The following AMZ2 variants were observed in gnomAD, a reference collection of about 807,000 sequenced individuals.
AMZ2 encodes archaelysin family metallopeptidase 2.
In AMZ2, 26 loss-of-function variants were observed where a neutral mutation model predicts 36.7. The observed-to-expected ratio is 0.71, with a 90% CI of 0.52 to 0.98. The LOEUF (loss-of-function observed/expected upper bound fraction) is 0.98, where lower values mean the gene tolerates loss of function less well. Ranked by LOEUF, AMZ2 falls within the 50% of genes least tolerant of loss-of-function variation. AMZ2 has a pLI of 0.00. For missense variants in AMZ2, 394 were observed against 430.5 expected (o/e 0.92, Z 0.75); for synonymous variants, 144 against 149.1 (o/e 0.97, Z 0.25).
chr17:68,219,030 T>C (rs1452970359), intron 1 of AMZ2, among the ~76,000 whole-genome samples: 2 of 152,188 alleles, frequency 1.3e-5, no homozygotes, highest in Non-Finnish European at 2.9e-5. Flanking sequence ...TCACCCAGGC[T>C]GGAGTGCAGT....
intron 1 of AMZ2, chr17:68,249,861 G>A: frequency 6.6e-6 from 2 of 304,894 alleles, no homozygotes; most frequent in South Asian, 6.7e-5. Flanking sequence ...TGCCTGAGCT[G>A]TTCTCAAACT....
At chr17:68,250,527 G>T in intron 2 of AMZ2, 57 bp downstream of exon 2, 1 of 1,576,122 alleles carries the variant, frequency 6.3e-7, no homozygotes, top group African/African-American at 1.3e-5. Flanking sequence ...CTCTTGTCAG[G>T]AATAGTCCAG....
At chr17:68,209,630 A>ATTTTTTTTTTTTTTTTT (rs1339157573) in intron 1 of AMZ2, among the ~76,000 whole-genome samples, 2 of 98,460 alleles carry the variant, frequency 2.0e-5, no homozygotes, top group African/African-American at 9.5e-5. Context: ...ATATATATAT[A>ATTTTTTTTTTTTTTTTT]TATTTTTTTT....
At chr17:68,224,110 T>C (rs2073446620) in intron 1 of AMZ2, among the ~76,000 whole-genome samples, 1 of 152,016 alleles carries the variant, frequency 6.6e-6, no homozygotes, top group South Asian at 2.1e-4. Context: ...AGGCTGGTAA[T>C]TTCTCTATTT....
intron 1 of AMZ2, among the ~76,000 whole-genome samples, chr17:68,216,300 A>G (rs2073191959): frequency 6.6e-6 from 1 of 151,728 alleles, no homozygotes; most frequent in Non-Finnish European, 1.5e-5. Flanking sequence ...CGCCCAGCTG[A>G]TTTTTTTATT....
intron 1 of AMZ2, among the ~76,000 whole-genome samples, chr17:68,231,955 A>T (rs1766125400): frequency 6.6e-6 from 1 of 151,840 alleles, no homozygotes; most frequent in Non-Finnish European, 1.5e-5. Flanking sequence ...TGAAATTCTG[A>T]TGTGACTGAG....
intron 1 of AMZ2, among the ~76,000 whole-genome samples, chr17:68,221,136 G>A (rs1076330): frequency 0.12 from 17,778 of 148,518 alleles, 1,347 homozygotes; most frequent in East Asian, 0.27. Flanking sequence ...AGGGTGGAGT[G>A]CAGAAGTGGG....
At chr17:68,238,252 G>T (rs1443937885) in intron 1 of AMZ2, among the ~76,000 whole-genome samples, 6 of 151,702 alleles carry the variant, frequency 4.0e-5, no homozygotes, top group African/African-American at 1.5e-4. Flanking sequence ...TTGCTAGGTT[G>T]CCCAGGCTGA....
At chr17:68,213,822 TC>T (rs1555726625) in intron 1 of AMZ2, among the ~76,000 whole-genome samples, 2 of 151,788 alleles carry the variant, frequency 1.3e-5, no homozygotes, top group African/African-American at 4.8e-5. Flanking sequence ...TGTCTCTTTT[TC>T]TTTTTGGGGT....
chr17:68,247,892 G>T (rs1347330557), upstream of AMZ2: 1 of 985,450 alleles, frequency 1.0e-6, no homozygotes, highest in Non-Finnish European at 1.2e-6. Flanking sequence ...CGCGGCCGCT[G>T]AACTCCAGCT....
chr17:68,240,183 C>A (rs782650230), intron 1 of AMZ2, among the ~76,000 whole-genome samples: 6 of 152,146 alleles, frequency 3.9e-5, no homozygotes, highest in Non-Finnish European at 7.3e-5. Flanking sequence ...AAGGGGTGAG[C>A]TGACTCCCTT....
intron 1 of AMZ2, chr17:68,207,315 C>CCA (rs111875789): frequency 1.6e-5 from 2 of 124,310 alleles, no homozygotes; most frequent in African/African-American, 6.1e-5. Context: ...TGTTAAATAC[C>CCA]CCCCCCCCAC....
rs560702110 is a variant in AMZ2 at position 68,256,914 on chromosome 17, C to A, written c.1028C>A (p.Ala343Asp). ...DNGNLPKPVE[A>D]FKEWKEWIIK... Reference sequence around the variant, plus strand: ...GGGAATTTACCGAAACCCGTGGAAGCCTTTAAGGAATGGAAAGAGTGGATA... The same window carrying A: ...GGGAATTTACCGAAACCCGTGGAAGACTTTAAGGAATGGAAAGAGTGGATA... Residue 343 changes from alanine to aspartate, a missense_variant, in exon 7 of 7, where the codon GCC becomes GAC. Ala to Asp is a moderately radical substitution (Grantham distance 126). Coordinates refer to ENST00000359904, the MANE Select transcript of AMZ2 (RefSeq NM_016627.5). The A allele has an allele frequency of 1.2e-6, 2 of 1,614,056 alleles. No homozygotes were observed. The highest frequency in any genetic ancestry group is 1.3e-5 in the African/African-American group (1 of 75,016).
At chr17:68,228,360 T>G (rs2073569731) in intron 1 of AMZ2, among the ~76,000 whole-genome samples, 1 of 152,110 alleles carries the variant, frequency 6.6e-6, no homozygotes, top group Non-Finnish European at 1.5e-5. Context: ...GCCCTAGAGA[T>G]AGGGAGTGAC....
At chr17:68,224,961 TGA>T (rs1275019810) in intron 1 of AMZ2, among the ~76,000 whole-genome samples, 1 of 151,598 alleles carries the variant, frequency 6.6e-6, no homozygotes, top group Non-Finnish European at 1.5e-5. Context: ...GTGGATCACC[TGA>T]GGTCGGGAGT....
chr17:68,206,801 T>C (rs1232321597), intron 1 of AMZ2: 2 of 152,238 alleles, frequency 1.3e-5, no homozygotes, highest in Non-Finnish European at 2.9e-5. Flanking sequence ...GTTAAGGAAA[T>C]GGATCATTTG....
At chr17:68,250,628 A>T in intron 2 of AMZ2, 158 bp downstream of exon 2, 1 of 1,231,164 alleles carries the variant, frequency 8.1e-7, no homozygotes, top group Non-Finnish European at 1.1e-6. Context: ...GACTTAAAAG[A>T]TAACATTTTG....
chr17:68,247,687 C>T, upstream of AMZ2: 1 of 985,504 alleles, frequency 1.0e-6, no homozygotes, highest in Non-Finnish European at 1.2e-6. Flanking sequence ...TTCGTCACGC[C>T]GGCGATGCCT....
Position 68,257,027 on chromosome 17 carries a change from T to G in AMZ2, c.*58T>G, listed in dbSNP as rs1555743367. The G allele has an allele frequency of 6.4e-7, 1 of 1,555,044 alleles. No homozygotes were observed. The highest frequency in any genetic ancestry group is 8.8e-7 in the Non-Finnish European group (1 of 1,140,344). ...ACTACTTGCATGTTATGCTTTCATT[T>G]GGGTGGAATACTTCATTGGAATAAA... is the stretch of plus-strand genomic sequence containing the variant. On this transcript the variant is annotated 3_prime_UTR_variant, in exon 7 of 7. Transcript: ENST00000359904.
Sources: allele counts gnomAD v4.1 joint callset (sites outside exome capture counted in the v4.1 genomes callset), GRCh38; gene constraint gnomAD v4.1.1; transcripts MANE v1.5; gene names NCBI Gene and HGNC (gene_info 2026-07-23, HGNC 2026-07-21).